DNAAF1: variants seen among roughly 807,000 people sequenced by gnomAD.
DNAAF1 encodes the protein dynein assembly factor 1, axonemal.
A neutral mutation model predicts 71.1 loss-of-function variants in DNAAF1; 65 were observed. That is an observed-to-expected ratio of 0.91 (90% CI 0.75 to 1.12). The LOEUF (loss-of-function observed/expected upper bound fraction) is 1.12, where lower values mean the gene tolerates loss of function less well. Ranked by LOEUF, DNAAF1 falls within the 50% of genes most tolerant of loss-of-function variation. The pLI, the probability that DNAAF1 is intolerant of heterozygous loss-of-function variation, is 0.00. For synonymous variants in DNAAF1, 414 were observed against 354.6 expected, an observed-to-expected ratio of 1.17 and a Z score of -1.88; for missense variants, 1,178 against 899.8, an observed-to-expected ratio of 1.31 and a Z score of -3.96.
chr16:84,159,021 A>T, intron 5 of DNAAF1: 1 of 986,826 alleles, frequency 1.0e-6, no homozygotes, highest in Non-Finnish European at 1.2e-6. Flanking sequence ...GTGAGCCACC[A>T]TGCCCAGCCC....
intron 9 of DNAAF1, 152 bp from the exon 10 acceptor site, chr16:84,174,516 CT>C: frequency 6.5e-7 from 1 of 1,540,698 alleles, no homozygotes; most frequent in Non-Finnish European, 8.8e-7. Flanking sequence ...TCTAGAGTTC[CT>C]TTTGGTGGGG....
At chr16:84,160,164 C>T (rs1377408158) in intron 6 of DNAAF1, among the ~76,000 whole-genome samples, 3 of 152,192 alleles carry the variant, frequency 2.0e-5, no homozygotes, top group Non-Finnish European at 4.4e-5. Flanking sequence ...CCTCACATAA[C>T]ATAACCATGA....
intron 7 of DNAAF1, among the ~76,000 whole-genome samples, chr16:84,166,294 C>T (rs2087987669): frequency 6.6e-6 from 1 of 151,446 alleles, no homozygotes; most frequent in Admixed American, 6.6e-5. Context: ...TTCAAGTGAT[C>T]TGCCTGCCTT....
At chr16:84,159,291 A>G in intron 5 of DNAAF1, 1 of 1,079,704 alleles carries the variant, frequency 9.3e-7, no homozygotes, top group Non-Finnish European at 1.1e-6. Context: ...GGTAAAATGG[A>G]TCCTGGCTGG....
chr16:84,162,213 A>G (rs2087747160), intron 6 of DNAAF1: 1 of 152,162 alleles, frequency 6.6e-6, no homozygotes, highest in South Asian at 2.1e-4. Flanking sequence ...CTTCTCTCTT[A>G]AGGTAAGCCT....
In DNAAF1 at chr16:84,177,719, C is replaced by A. The variant is rs779352128; in HGVS notation, c.2066-10C>A. The A allele has an allele frequency of 6.2e-7, 1 of 1,611,710 alleles. No individual in the cohort carries two copies. ...CAGGGAGAAAGCACAGGTCACCCTTCCTTCCACAGTGCCGACTGAGAGCGC... is the reference window on the plus strand; with the variant it reads ...CAGGGAGAAAGCACAGGTCACCCTTACTTCCACAGTGCCGACTGAGAGCGC... On this transcript the variant is annotated splice_polypyrimidine_tract_variant and intron_variant, in intron 11 of 11. Coordinates refer to ENST00000378553, the MANE Select transcript of DNAAF1 (RefSeq NM_178452.6).
chr16:84,172,722 C>A, intron 9 of DNAAF1: 1 of 1,175,590 alleles, frequency 8.5e-7, no homozygotes, highest in Non-Finnish European at 1.1e-6. Context: ...GTTGCCTTAT[C>A]CAAATTCGTG....
intron 5 of DNAAF1, among the ~76,000 whole-genome samples, chr16:84,157,069 T>G (rs2087474723): frequency 6.6e-6 from 1 of 152,082 alleles, no homozygotes; most frequent in African/African-American, 2.4e-5. Flanking sequence ...TCAGGCTGGT[T>G]ATTTATCAAT....
intron 5 of DNAAF1, among the ~76,000 whole-genome samples, chr16:84,158,571 G>A (rs114694608): frequency 0.012 from 1,800 of 152,220 alleles, 46 homozygotes; most frequent in African/African-American, 0.041. Context: ...ACGAAAGCAG[G>A]TTGCTTTATG....
chr16:84,154,668 G>A lies in DNAAF1; in HGVS notation c.444G>A (p.Glu148=). The A allele has an allele frequency of 1.2e-6, 2 of 1,614,142 alleles. No homozygotes were observed. The highest frequency in any genetic ancestry group is 2.2e-5 in the East Asian group (1 of 44,874). ...SNGIQKIENL[E]AQTELRCLFL... The stretch of plus-strand genomic sequence containing the variant: ...GAATACAGAAAATCGAAAACCTGGA[G>A]GCCCAAACTGAGTTGCGTTGCCTCT... The change falls in exon 4 of 12, where the codon GAG becomes GAA. Residue 148 remains glutamate, a synonymous_variant. Transcript: ENST00000378553.
intron 2 of DNAAF1, 152 bp from the exon 3 acceptor site, chr16:84,150,099 G>C: frequency 1.6e-6 from 1 of 643,334 alleles, no homozygotes; most frequent in Non-Finnish European, 2.8e-6. Context: ...AAAAGGAAAG[G>C]AGAAAGAGAA....
chr16:84,146,007 G>C (rs753801179), intron 1 of DNAAF1, among the ~76,000 whole-genome samples: 1 of 152,164 alleles, frequency 6.6e-6, no homozygotes, highest in Non-Finnish European at 1.5e-5. Flanking sequence ...TGAGGCAGGA[G>C]AATCGCTTGA....
At chr16:84,177,521 G>C (rs1335502864) in intron 11 of DNAAF1, 2 of 524,618 alleles carry the variant, frequency 3.8e-6, no homozygotes, top group African/African-American at 3.8e-5. Context: ...TAGAGATGGG[G>C]TTTCACCATG....
chr16:84,174,318 T>A, intron 9 of DNAAF1: 1 of 1,183,626 alleles, frequency 8.4e-7, no homozygotes, highest in Non-Finnish European at 1.1e-6. Context: ...CATAGAGTTT[T>A]CGGACTAGTT....
At chr16:84,157,303 A>T (rs900070816) in intron 5 of DNAAF1, among the ~76,000 whole-genome samples, 24 of 152,186 alleles carry the variant, frequency 1.6e-4, no homozygotes, top group African/African-American at 5.3e-4. Context: ...TGGGCAGGTC[A>T]CTTGAGGCCA....
intron 2 of DNAAF1, 143 bp from the exon 3 acceptor site, chr16:84,150,108 A>G: frequency 1.5e-6 from 1 of 658,666 alleles, no homozygotes. Flanking sequence ...GGAGAAAGAG[A>G]AAAAGACGAA....
chr16:84,160,685 A>C (rs917493898), intron 6 of DNAAF1, among the ~76,000 whole-genome samples: 53 of 152,312 alleles, frequency 3.5e-4, no homozygotes, highest in African/African-American at 1.3e-3. Context: ...CTGTAATCCC[A>C]GCACTTTGGG....
At chr16:84,146,493 G>T (rs1388320631) in intron 1 of DNAAF1, among the ~76,000 whole-genome samples, 2 of 152,064 alleles carry the variant, frequency 1.3e-5, no homozygotes, top group Non-Finnish European at 2.9e-5. Flanking sequence ...GAGGCAGGTG[G>T]GTCACCTGAA....
At chr16:84,149,253 C>A in intron 2 of DNAAF1, 111 bp downstream of exon 2, 1 of 1,396,256 alleles carries the variant, frequency 7.2e-7, no homozygotes, top group Non-Finnish European at 1.0e-6. Context: ...AATTGCCTGC[C>A]CAATGTCTGA....
Sources: allele counts gnomAD v4.1 joint callset (sites outside exome capture counted in the v4.1 genomes callset), GRCh38; gene constraint gnomAD v4.1.1; transcripts MANE v1.5; gene names NCBI Gene and HGNC (gene_info 2026-07-23, HGNC 2026-07-21).